NCKAP5: variants seen among roughly 807,000 people sequenced by gnomAD.
NCKAP5 encodes NCK associated protein 5.
A neutral mutation model predicts 167.0 loss-of-function variants in NCKAP5; 92 were observed. The observed-to-expected ratio is 0.55, with a 90% CI of 0.47 to 0.66. The LOEUF (loss-of-function observed/expected upper bound fraction) is 0.66, where lower values mean the gene tolerates loss of function less well. Among genes scored for constraint, NCKAP5 ranks in the 30% least tolerant of loss-of-function variants. NCKAP5 has a pLI of 0.00. For missense variants in NCKAP5, 2,378 were observed against 2,315.0 expected (o/e 1.03, Z -0.56); for synonymous variants, 891 against 877.4 (o/e 1.02, Z -0.27).
chr2:132,963,699 A>G lies in NCKAP5; in HGVS notation c.579+21T>C, dbSNP rs1428067135. On this transcript the variant is annotated intron_variant, in intron 8 of 19. Coordinates refer to ENST00000409261, the MANE Select transcript of NCKAP5 (RefSeq NM_207363.3). ...TACTGTTATTTTTCTTGAAGAGTGT[A>G]AAAATTGCTTCATTTCTTACCTCTA... is the stretch of plus-strand genomic sequence containing the variant. 2.5e-6 allele frequency: 4 copies of G among 1,609,954 alleles called. No homozygotes were observed. The South Asian group carries it at 4.4e-5, about 18-fold the overall frequency.
intron 8 of NCKAP5, among the ~76,000 whole-genome samples, chr2:132,918,601 AATG>A (rs1409590803): frequency 6.6e-6 from 1 of 152,206 alleles, no homozygotes; most frequent in Non-Finnish European, 1.5e-5. Context: ...CAACATCCAT[AATG>A]ATGATGACAA....
chr2:132,930,516 A>G (rs555051884), intron 8 of NCKAP5: 1 of 152,308 alleles, frequency 6.6e-6, no homozygotes, highest in Admixed American at 6.5e-5. Flanking sequence ...TTCAGCTGAG[A>G]CATCCACCTT....
chr2:133,373,627 A>C lies in NCKAP5; in HGVS notation c.70-70517T>G, dbSNP rs189348019. ...TGAAAAATATCGAAGGAGATGAATA[A>C]AAGTTGAAGAACTGAGACCGTCTGA... is the stretch of plus-strand genomic sequence containing the variant. On this transcript the variant is annotated intron_variant, in intron 3 of 19. Coordinates refer to ENST00000409261, the MANE Select transcript of NCKAP5 (RefSeq NM_207363.3). Among the ~76,000 whole-genome samples, 29 of 152,194 alleles carry C rather than the reference A, an allele frequency of 1.9e-4. No homozygotes were observed. In the East Asian group the frequency reaches 4.8e-3, roughly 25 times the overall value.
chr2:132,980,589 G>A (rs1311306532), intron 7 of NCKAP5, among the ~76,000 whole-genome samples: 1 of 152,156 alleles, frequency 6.6e-6, no homozygotes, highest in Admixed American at 6.5e-5. Context: ...TCAACTGCCT[G>A]TGTCAAACAG....
At chr2:133,037,720 G>A (rs2079084075) in intron 6 of NCKAP5, among the ~76,000 whole-genome samples, 1 of 152,086 alleles carries the variant, frequency 6.6e-6, no homozygotes, top group African/African-American at 2.4e-5. Context: ...AAATCTCCAG[G>A]ACATTGTTCT....
intron 5 of NCKAP5, among the ~76,000 whole-genome samples, chr2:133,152,806 T>A (rs1198379421): frequency 6.6e-6 from 1 of 152,184 alleles, no homozygotes; most frequent in Non-Finnish European, 1.5e-5. Flanking sequence ...ATTTTTACTG[T>A]ACCTTTTTGT....
chr2:133,359,869 C>A (rs901109519), intron 3 of NCKAP5, among the ~76,000 whole-genome samples: 3 of 152,110 alleles, frequency 2.0e-5, no homozygotes, highest in African/African-American at 4.8e-5. Context: ...GATATAGCCA[C>A]CTTATTCGAA....
At chr2:132,945,294 G>A (rs1209083057) in intron 8 of NCKAP5, among the ~76,000 whole-genome samples, 1 of 152,050 alleles carries the variant, frequency 6.6e-6, no homozygotes, top group African/African-American at 2.4e-5. Context: ...GCGGGGGCAG[G>A]GGTGGGGTGG....
intron 10 of NCKAP5, among the ~76,000 whole-genome samples, chr2:132,864,780 C>T (rs574536097): frequency 1.1e-4 from 17 of 152,138 alleles, no homozygotes; most frequent in Non-Finnish European, 2.1e-4. Context: ...GTAAAAATGA[C>T]ATGATAGTGG....
At position 133,433,030 on chromosome 2, in the gene NCKAP5, AC is replaced by A. The variant is rs1245907399; in HGVS notation, c.69+84427del. On this transcript the variant is annotated intron_variant, in intron 3 of 19. Transcript: ENST00000409261. ...AGCTCTTGACATATAATGCAAAATG[AC>A]TTCTGGAAAGGATGGAAAACAGCAT... is the stretch of plus-strand genomic sequence containing the variant. Among the ~76,000 whole-genome samples, 16 of 152,308 alleles carry A rather than the reference AC, an allele frequency of 1.1e-4. No individual in the cohort carries two copies. The South Asian group carries it at 2.7e-3, about 26-fold the overall frequency.
At chr2:133,242,258 T>A (rs1283068692) in intron 4 of NCKAP5, among the ~76,000 whole-genome samples, 1 of 144,284 alleles carries the variant, frequency 6.9e-6, no homozygotes, top group Non-Finnish European at 1.5e-5. Context: ...TCTTTTCTTT[T>A]CTTTTTTTTT....
chr2:133,278,728 G>A (rs1234222919), intron 4 of NCKAP5, among the ~76,000 whole-genome samples: 1 of 143,698 alleles, frequency 7.0e-6, no homozygotes, highest in Non-Finnish European at 1.5e-5. Flanking sequence ...GACAAAATGG[G>A]AGAAAACATT....
chr2:132,800,373 T>C (rs1393269260), intron 11 of NCKAP5, among the ~76,000 whole-genome samples: 1 of 152,206 alleles, frequency 6.6e-6, no homozygotes, highest in Non-Finnish European at 1.5e-5. Flanking sequence ...TTGTTTTATT[T>C]TAGACATGAA....
chr2:132,795,734 A>G (rs78230170), intron 12 of NCKAP5, among the ~76,000 whole-genome samples: 28,063 of 150,540 alleles, frequency 0.19, 3,062 homozygotes, highest in East Asian at 0.29. Context: ...CAGGAGAGTC[A>G]TTTGAACCCA....
intron 2 of NCKAP5, among the ~76,000 whole-genome samples, chr2:133,553,544 C>T (rs746143302): frequency 3.3e-5 from 5 of 152,108 alleles, no homozygotes; most frequent in Non-Finnish European, 7.4e-5. Flanking sequence ...AGCAGGGCCT[C>T]TAAGGTTAGA....
At chr2:133,436,575 TCACAG>T (rs1363056957) in intron 3 of NCKAP5, among the ~76,000 whole-genome samples, 1 of 152,192 alleles carries the variant, frequency 6.6e-6, no homozygotes, top group Non-Finnish European at 1.5e-5. Context: ...ATTCTCGGCC[TCACAG>T]CTAGTTCCCC....
chr2:132,994,119 A>G (rs763643960), intron 7 of NCKAP5, 33 bp downstream of exon 7: 1 of 1,425,322 alleles, frequency 7.0e-7, no homozygotes, highest in South Asian at 1.3e-5. Flanking sequence ...CAAGCAGACC[A>G]GTACCCAGCC....
At position 133,429,910 on chromosome 2, in the gene NCKAP5, A is replaced by G. The variant is rs146972493; in HGVS notation, c.69+87548T>C. ...CAGAACTCTCCAAACTGCTTTCCAC[A>G]GGGGCTGAACTAATTTGCATTCCCA... On this transcript the variant is annotated intron_variant, in intron 3 of 19. Coordinates refer to ENST00000409261, the MANE Select transcript of NCKAP5 (RefSeq NM_207363.3). Among the ~76,000 whole-genome samples the G allele has an allele frequency of 9.8e-3, 1,485 of 152,270 alleles. 19 individuals carry two copies. The highest frequency in any genetic ancestry group is 0.034 in the African/African-American group (1,412 of 41,558).
intron 7 of NCKAP5, among the ~76,000 whole-genome samples, chr2:132,966,010 G>A (rs908285938): frequency 3.3e-5 from 5 of 151,898 alleles, no homozygotes; most frequent in African/African-American, 1.2e-4. Context: ...AGCCATTGGG[G>A]TGGTAAATGA....
Sources: gnomAD v4.1 joint callset for allele counts (sites outside exome capture counted in the v4.1 genomes callset) on GRCh38, gnomAD v4.1.1 for gene constraint, MANE v1.5 for transcripts, NCBI Gene and HGNC (gene_info 2026-07-23, HGNC 2026-07-21) for gene names.